ADGRB3: variants seen among roughly 807,000 people sequenced by gnomAD.
The protein encoded by ADGRB3 is adhesion G protein-coupled receptor B3.
Under a neutral mutation model 193.4 loss-of-function variants are expected in ADGRB3, and 37 were observed. The observed-to-expected ratio is 0.19, with a 90% CI of 0.15 to 0.25. The LOEUF is 0.25. Among genes scored for constraint, ADGRB3 ranks in the 10% least tolerant of loss-of-function variants. ADGRB3 has a pLI of 1.00. For missense variants in ADGRB3, 1,637 were observed against 1,852.9 expected (o/e 0.88, Z 2.14); for synonymous variants, 690 against 644.2 (o/e 1.07, Z -1.08).
chr6:69,381,323 G>A (rs989971876), intron 30 of ADGRB3, among the ~76,000 whole-genome samples: 2 of 151,822 alleles, frequency 1.3e-5, no homozygotes, highest in African/African-American at 2.4e-5. Flanking sequence ...ATAATTGCTT[G>A]CTATGTTTCA....
intron 3 of ADGRB3, among the ~76,000 whole-genome samples, chr6:68,777,087 G>A (rs182087971): frequency 1.5e-3 from 229 of 152,206 alleles, no homozygotes; most frequent in Non-Finnish European, 2.9e-3. Context: ...TGCTTCTGTG[G>A]TATAATACAA....
At chr6:69,091,660 G>A (rs908356945) in intron 17 of ADGRB3, among the ~76,000 whole-genome samples, 3 of 152,062 alleles carry the variant, frequency 2.0e-5, no homozygotes, top group Admixed American at 1.3e-4. Context: ...GTGGGAGGAG[G>A]GAAAGGATTA....
intron 3 of ADGRB3, among the ~76,000 whole-genome samples, chr6:68,664,468 T>G (rs1214538668): frequency 6.6e-6 from 1 of 151,854 alleles, no homozygotes; most frequent in African/African-American, 2.4e-5. Context: ...AAGTTCTCTT[T>G]CTGCCATGTG....
chr6:69,333,053 C>A, intron 24 of ADGRB3, 45 bp downstream of exon 24: 1 of 1,580,382 alleles, frequency 6.3e-7, no homozygotes, highest in Non-Finnish European at 8.7e-7. Context: ...ATCAGTGAAT[C>A]CCATACTCCA....
chr6:68,650,728 A>G (rs935254069), intron 3 of ADGRB3, among the ~76,000 whole-genome samples: 2 of 152,142 alleles, frequency 1.3e-5, no homozygotes, highest in Non-Finnish European at 2.9e-5. Context: ...CAATCAAGGC[A>G]ACTAAGTTTT....
chr6:69,081,424 G>C (rs1336625886), intron 17 of ADGRB3, among the ~76,000 whole-genome samples: 1 of 151,870 alleles, frequency 6.6e-6, no homozygotes, highest in Non-Finnish European at 1.5e-5. Context: ...TAAAATGTTT[G>C]CTTCTGTTTG....
At chr6:68,875,987 G>A (rs921420717) in intron 3 of ADGRB3, among the ~76,000 whole-genome samples, 1 of 151,976 alleles carries the variant, frequency 6.6e-6, no homozygotes, top group Non-Finnish European at 1.5e-5. Flanking sequence ...AAACTAGAAT[G>A]AATCTTAGTG....
intron 3 of ADGRB3, among the ~76,000 whole-genome samples, chr6:68,758,923 G>A (rs1028008956): frequency 1.3e-5 from 2 of 152,050 alleles, no homozygotes; most frequent in Admixed American, 1.3e-4. Context: ...TCAAAAGGGT[G>A]ATTCCTGAGA....
At chr6:69,030,825 C>T (rs1770622200) in intron 13 of ADGRB3, among the ~76,000 whole-genome samples, 1 of 151,972 alleles carries the variant, frequency 6.6e-6, no homozygotes, top group Non-Finnish European at 1.5e-5. Flanking sequence ...TTTGAGTTTT[C>T]TTTTCTTTTT....
intron 29 of ADGRB3, among the ~76,000 whole-genome samples, chr6:69,370,623 T>A (rs1769687817): frequency 6.6e-6 from 1 of 152,148 alleles, no homozygotes. Flanking sequence ...AGAAACAGAA[T>A]CTATCTCTGG....
intron 11 of ADGRB3, among the ~76,000 whole-genome samples, chr6:69,005,595 C>T (rs1379005231): frequency 6.6e-6 from 1 of 152,094 alleles, no homozygotes; most frequent in East Asian, 1.9e-4. Context: ...CAGGCGTACG[C>T]CACCATTCCC....
chr6:69,219,453 ACACACACG>A (rs1765841443), intron 17 of ADGRB3, among the ~76,000 whole-genome samples: 1 of 121,684 alleles, frequency 8.2e-6, no homozygotes, highest in Non-Finnish European at 1.8e-5. Context: ...TTAAAAATAC[ACACACACG>A]TATATATATA....
chr6:69,207,608 A>T (rs964129490), intron 17 of ADGRB3, among the ~76,000 whole-genome samples: 15 of 152,206 alleles, frequency 9.9e-5, no homozygotes, highest in African/African-American at 3.6e-4. Context: ...GATTCAGAGC[A>T]TACATGGCCT....
In ADGRB3 at chr6:69,361,127, C is replaced by T. The variant is rs776438259; in HGVS notation, c.3854C>T (p.Thr1285Met). The T allele has an allele frequency of 2.2e-5, 35 of 1,612,600 alleles. No homozygotes were observed. The highest frequency in any genetic ancestry group is 1.6e-4 in the Middle Eastern group (1 of 6,078). The change falls in exon 29 of 32, where the codon ACG becomes ATG. Residue 1285 changes from threonine (T) to methionine (M), a missense_variant. Physicochemically the swap from Thr to Met is moderately conservative, Grantham distance 81. Coordinates refer to ENST00000370598, the MANE Select transcript of ADGRB3 (RefSeq NM_001704.3). ...TTGCGGAGAACTGTGTACTTATGTA[C>T]GGATGATAATTTGAGAGGGGCTGAC... ...SELRRTVYLC[T>M]DDNLRGADMD...
At chr6:69,220,603 C>T (rs1221497792) in intron 17 of ADGRB3, among the ~76,000 whole-genome samples, 1 of 152,070 alleles carries the variant, frequency 6.6e-6, no homozygotes, top group Non-Finnish European at 1.5e-5. Flanking sequence ...AGAATCACCT[C>T]ATTCTCTGAG....
intron 3 of ADGRB3, among the ~76,000 whole-genome samples, chr6:68,708,913 A>T (rs1437455013): frequency 2.0e-5 from 3 of 152,012 alleles, no homozygotes; most frequent in Non-Finnish European, 4.4e-5. Context: ...TTTTTTTTTA[A>T]CTTAATAACA....
intron 3 of ADGRB3, among the ~76,000 whole-genome samples, chr6:68,722,050 G>T (rs1765593705): frequency 6.6e-6 from 1 of 150,524 alleles, no homozygotes. Flanking sequence ...TGTTTTTTTA[G>T]TTATCTAACA....
At chr6:68,704,915 A>G (rs1326294424) in intron 3 of ADGRB3, among the ~76,000 whole-genome samples, 3 of 152,208 alleles carry the variant, frequency 2.0e-5, no homozygotes, top group African/African-American at 4.8e-5. Flanking sequence ...TACGCTTTAA[A>G]CATATCAGTC....
chr6:68,704,323 A>G (rs1207315523), intron 3 of ADGRB3, among the ~76,000 whole-genome samples: 2 of 152,174 alleles, frequency 1.3e-5, no homozygotes, highest in Non-Finnish European at 2.9e-5. Context: ...TGCCAACCTG[A>G]TTATCATTCT....
Sources: gnomAD v4.1 joint callset for allele counts (sites outside exome capture counted in the v4.1 genomes callset) on GRCh38, gnomAD v4.1.1 for gene constraint, MANE v1.5 for transcripts, NCBI Gene and HGNC (gene_info 2026-07-23, HGNC 2026-07-21) for gene names.